Variants in UBE4B observed in about 807,000 individuals in gnomAD.
UBE4B encodes ubiquitin conjugation factor E4 B.
In UBE4B, 27 loss-of-function variants were observed where a neutral mutation model predicts 148.1. The observed-to-expected ratio is 0.18, with a 90% confidence interval of 0.13 to 0.25. The LOEUF (loss-of-function observed/expected upper bound fraction) is 0.25, where lower values mean the gene tolerates loss of function less well. Ranked by LOEUF, UBE4B falls within the 10% of genes least tolerant of loss-of-function variation. UBE4B has a pLI of 1.00. For missense variants in UBE4B, 1,170 were observed against 1,662.4 expected, an observed-to-expected ratio of 0.70 and a Z score of 5.15; for synonymous variants, 596 against 619.3, an observed-to-expected ratio of 0.96 and a Z score of 0.56.
In UBE4B at chr1:10,130,424, G is replaced by A. The variant is rs1570945891; in HGVS notation, c.1696-76G>A. 2.4e-5 allele frequency: 28 copies of A among 1,173,666 alleles called. No individual in the cohort carries two copies. In the South Asian group the frequency reaches 3.3e-4, roughly 14 times the overall value. 72.7% of individuals were successfully genotyped at this position (1,173,666 alleles called of 1,614,324 possible). ...TAATATCTTGTGAAAATACAGAGGA[G>A]CTGGAGAGTTTTCATTACATTTTTA... is the stretch of plus-strand genomic sequence containing the variant. On this transcript the variant is annotated intron_variant, in intron 12 of 27. Coordinates refer to ENST00000343090, the MANE Select transcript of UBE4B (RefSeq NM_001105562.3).
intron 17 of UBE4B, among the ~76,000 whole-genome samples, chr1:10,141,408 G>A (rs1266037386): frequency 2.6e-5 from 4 of 152,058 alleles, no homozygotes; most frequent in African/African-American, 7.2e-5. Context: ...GAGCCAATCC[G>A]GTAACCTCTG....
chr1:10,164,722 G>A (rs114228583), intron 23 of UBE4B, among the ~76,000 whole-genome samples: 19 of 152,220 alleles, frequency 1.2e-4, no homozygotes, highest in African/African-American at 4.6e-4. Flanking sequence ...ACCTCCCACT[G>A]CCCTGGCTGT....
At chr1:10,150,846 C>T (rs1455747137) in intron 20 of UBE4B, among the ~76,000 whole-genome samples, 1 of 137,042 alleles carries the variant, frequency 7.3e-6, no homozygotes, top group African/African-American at 2.7e-5. Context: ...GGCAACACAG[C>T]GAGGCTCCAT....
chr1:10,149,275 A>C lies in UBE4B; in HGVS notation c.2683A>C (p.Ile895Leu). ...AGATGTTGCAGAATTTTTATTTTTT[A>C]TTGTACAGTAAGTGCCTTTAATATT... Reference protein sequence around the residue: ...VEDVAEFLFFIVQYSPQALYE... With the variant: ...VEDVAEFLFFLVQYSPQALYE... Residue 895 changes from isoleucine (I) to leucine (L), a missense_variant, in exon 20 of 28, where the codon ATT (isoleucine) becomes CTT (leucine). Ile to Leu is a conservative substitution (Grantham distance 5). Around this residue, in one of 6 missense-constraint regions of UBE4B, gnomAD observed 348 missense variants for 627.2 expected, o/e 0.55. Coordinates refer to ENST00000343090, the MANE Select transcript of UBE4B (RefSeq NM_001105562.3). 5 of 1,605,556 alleles carry C rather than the reference A, an allele frequency of 3.1e-6. No individual in the cohort carries two copies. The highest frequency in any genetic ancestry group is 4.3e-6 in the Non-Finnish European group (5 of 1,176,440).
At chr1:10,151,058 G>C (rs1645967257) in intron 20 of UBE4B, among the ~76,000 whole-genome samples, 1 of 151,348 alleles carries the variant, frequency 6.6e-6, no homozygotes, top group Admixed American at 6.6e-5. Context: ...AGCTACTCGG[G>C]AGGCTGAGGC....
intron 21 of UBE4B, among the ~76,000 whole-genome samples, chr1:10,153,490 T>TA (rs1045427991): frequency 0.11 from 5,388 of 49,096 alleles, 450 homozygotes; most frequent in African/African-American, 0.18. Context: ...ACCCTGTTTC[T>TA]AAAAAAAAAA....
chr1:10,090,768 C>T (rs886587309), intron 2 of UBE4B, among the ~76,000 whole-genome samples: 8 of 146,796 alleles, frequency 5.4e-5, no homozygotes, highest in East Asian at 2.0e-4. Flanking sequence ...GCTCTTTTTA[C>T]GGTGGAATTT....
chr1:10,174,067 T>A (rs115992551), intron 25 of UBE4B, among the ~76,000 whole-genome samples: 3,878 of 152,268 alleles, frequency 0.025, 88 homozygotes, highest in South Asian at 0.081. Flanking sequence ...CAAACACACA[T>A]GTGCCAGTGA....
At chr1:10,064,323 G>A (rs1427095633) in intron 1 of UBE4B, among the ~76,000 whole-genome samples, 1 of 152,162 alleles carries the variant, frequency 6.6e-6, no homozygotes, top group East Asian at 1.9e-4. Flanking sequence ...TTTGAATCCT[G>A]AAAACCTAAT....
chr1:10,107,233 A>G lies in UBE4B; in HGVS notation c.1196+650A>G, dbSNP rs1188209881. The G allele has an allele frequency of 3.9e-6, 5 of 1,289,506 alleles. No homozygotes were observed. The African/African-American group carries it at 4.6e-5, about 12-fold the overall frequency. The allele number at this position is 1,289,506 out of a possible 1,614,324, so 79.9% of individuals were successfully genotyped here. On this transcript the variant is annotated intron_variant, in intron 7 of 27. Coordinates refer to ENST00000343090, the MANE Select transcript of UBE4B (RefSeq NM_001105562.3). ...TTTTGTTGTGGTAGTATGTACGACA[A>G]TCCTTTCTCCTTCCTCTTCCTCGCA...
intron 21 of UBE4B, among the ~76,000 whole-genome samples, chr1:10,158,139 T>C (rs746281977): frequency 2.6e-5 from 4 of 152,202 alleles, no homozygotes; most frequent in Non-Finnish European, 5.9e-5. Flanking sequence ...CCCGTTCCTT[T>C]AGGTGTTGTG....
chr1:10,175,467 CG>C (rs1384342972), intron 25 of UBE4B, among the ~76,000 whole-genome samples: 1 of 149,812 alleles, frequency 6.7e-6, no homozygotes, highest in East Asian at 2.0e-4. Flanking sequence ...CTGGCTAACA[CG>C]GTGAAACCCC....
intron 10 of UBE4B, among the ~76,000 whole-genome samples, chr1:10,126,500 G>A (rs569256316): frequency 6.6e-6 from 1 of 152,190 alleles, no homozygotes; most frequent in Non-Finnish European, 1.5e-5. Context: ...GGCTCCAAAT[G>A]TATGGGTTTT....
chr1:10,093,324 T>C (rs961841986), intron 2 of UBE4B, among the ~76,000 whole-genome samples: 2 of 152,230 alleles, frequency 1.3e-5, no homozygotes, highest in Non-Finnish European at 2.9e-5. Flanking sequence ...ATAAGTATTT[T>C]TTCAGGGCTT....
chr1:10,066,364 A>G (rs1045064563), intron 1 of UBE4B, among the ~76,000 whole-genome samples: 2 of 151,676 alleles, frequency 1.3e-5, no homozygotes, highest in Non-Finnish European at 2.9e-5. Flanking sequence ...TGTGGGCTCA[A>G]GTGATCCCCC....
rs1646296386 is a variant in UBE4B, at chr1:10,168,889, C to T, written c.3333+619C>T. Among the ~76,000 whole-genome samples the T allele has an allele frequency of 7.2e-6, 1 of 139,588 alleles. No individual in the cohort carries two copies. The highest frequency in any genetic ancestry group is 1.5e-5 in the Non-Finnish European group (1 of 65,304). The allele number at this position is 139,588 out of a possible 152,430, so 91.6% of individuals were successfully genotyped here. On this transcript the variant is annotated intron_variant, in intron 24 of 27. Transcript: ENST00000343090. The surrounding 1 kb of genome is among the most constrained non-coding windows in gnomAD (Gnocchi z 4.9). The stretch of plus-strand genomic sequence containing the variant: ...CCTGGGCGACAGAGTGAGACTCCAT[C>T]TCAAAAAAAAAAAAAAAAGAAGAAG...
At chr1:10,050,208 A>G (rs997509959) in intron 1 of UBE4B, among the ~76,000 whole-genome samples, 1 of 152,054 alleles carries the variant, frequency 6.6e-6, no homozygotes, top group Admixed American at 6.6e-5. Context: ...AGTAGCTGGG[A>G]TTACAGGCAT....
In UBE4B at chr1:10,058,080, C is replaced by T. The variant is rs150771997; in HGVS notation, c.25-13948C>T. ...AGTACCCTGGGCTGAGGCCAGGAGCCGACATGGATGATCCCCTTCTAGAGG... is the reference window on the plus strand; with the variant it reads ...AGTACCCTGGGCTGAGGCCAGGAGCTGACATGGATGATCCCCTTCTAGAGG... On this transcript the variant is annotated intron_variant, in intron 1 of 27. Coordinates refer to ENST00000343090, the MANE Select transcript of UBE4B (RefSeq NM_001105562.3). Among the ~76,000 whole-genome samples, 12 of 152,204 alleles carry T rather than the reference C, an allele frequency of 7.9e-5. No homozygotes were observed. The East Asian group carries it at 2.1e-3, about 27-fold the overall frequency.
At chr1:10,066,986 T>C (rs919733537) in intron 1 of UBE4B, among the ~76,000 whole-genome samples, 17 of 152,170 alleles carry the variant, frequency 1.1e-4, no homozygotes, top group Non-Finnish European at 2.1e-4. Flanking sequence ...TTCCAATTAT[T>C]TTTCTTTATA....
Sources: allele counts gnomAD v4.1 joint callset (sites outside exome capture counted in the v4.1 genomes callset), GRCh38; gene constraint gnomAD v4.1.1; regional missense constraint gnomAD v4.1.1; non-coding constraint Gnocchi (gnomAD v3.1); transcripts MANE v1.5; gene names NCBI Gene and HGNC (gene_info 2026-07-23, HGNC 2026-07-21).